Variants in SOX5 observed in about 807,000 individuals in gnomAD.
SOX5 encodes SRY-box transcription factor 5, also known as transcription factor SOX-5.
SOX5 carries 9 observed loss-of-function variants against 92.0 expected under a neutral mutation model. The observed-to-expected ratio is 0.10, with a 90% CI of 0.06 to 0.17. SOX5 has a LOEUF of 0.17. SOX5 is among the 10% of genes least tolerant of loss of function. The pLI is 1.00. For synonymous variants in SOX5, 344 were observed against 336.3 expected (o/e 1.02, Z -0.25); for missense variants, 642 against 944.5 (o/e 0.68, Z 4.20).
At chr12:23,815,278 T>C (rs1368684718) in intron 3 of SOX5, among the ~76,000 whole-genome samples, 2 of 152,176 alleles carry the variant, frequency 1.3e-5, no homozygotes, top group Non-Finnish European at 2.9e-5. Context: ...TAAAAGCTAA[T>C]ATTGAAAGTG....
At chr12:24,491,132 G>A (rs1235537821) in intron 1 of SOX5, among the ~76,000 whole-genome samples, 1 of 152,066 alleles carries the variant, frequency 6.6e-6, no homozygotes, top group Non-Finnish European at 1.5e-5. Flanking sequence ...CATTCATGCT[G>A]GCTTGTGTGT....
At chr12:23,902,288 T>C (rs1160609526) in intron 1 of SOX5, among the ~76,000 whole-genome samples, 1 of 152,164 alleles carries the variant, frequency 6.6e-6, no homozygotes, top group Non-Finnish European at 1.5e-5. Flanking sequence ...CCTTATATAG[T>C]ACATTCTTTT....
At chr12:23,914,481 T>C (rs1353947611) in intron 1 of SOX5, among the ~76,000 whole-genome samples, 1 of 152,138 alleles carries the variant, frequency 6.6e-6, no homozygotes, top group African/African-American at 2.4e-5. Context: ...GAAGCAAGTG[T>C]TTCAATTTTA....
At chr12:23,784,765 T>C (rs2095348813) in intron 3 of SOX5, among the ~76,000 whole-genome samples, 1 of 152,214 alleles carries the variant, frequency 6.6e-6, no homozygotes, top group Non-Finnish European at 1.5e-5. Flanking sequence ...ATTGCAACTC[T>C]TTCTTCATGG....
At chr12:23,797,793 G>C (rs1324560608) in intron 3 of SOX5, among the ~76,000 whole-genome samples, 1 of 151,956 alleles carries the variant, frequency 6.6e-6, no homozygotes, top group Non-Finnish European at 1.5e-5. Flanking sequence ...AAAGCTATGC[G>C]CTAGCCTTCG....
intron 7 of SOX5, among the ~76,000 whole-genome samples, chr12:23,664,246 A>C (rs2083462892): frequency 6.6e-6 from 1 of 152,110 alleles, no homozygotes; most frequent in Non-Finnish European, 1.5e-5. Flanking sequence ...GATGTGTAGT[A>C]ATGTTAGAAT....
chr12:24,092,526 C>G (rs188736668), intron 4 of SOX5, among the ~76,000 whole-genome samples: 1 of 152,128 alleles, frequency 6.6e-6, no homozygotes, highest in Non-Finnish European at 1.5e-5. Flanking sequence ...GATGCTCACA[C>G]CCAAGAAGCC....
intron 4 of SOX5, among the ~76,000 whole-genome samples, chr12:23,960,507 TTATATACATATATATA>T (rs1458613355): frequency 7.6e-5 from 9 of 118,628 alleles, no homozygotes; most frequent in African/African-American, 2.3e-4. Context: ...ACATATATAT[TTATATACATATATATA>T]TATATACATA....
intron 2 of SOX5, among the ~76,000 whole-genome samples, chr12:24,314,002 C>A (rs963064423): frequency 6.6e-6 from 1 of 152,104 alleles, no homozygotes; most frequent in South Asian, 2.1e-4. Flanking sequence ...TCATCTTGAT[C>A]AAAAAATCCA....
At chr12:23,870,575 T>C (rs764106968) in intron 2 of SOX5, among the ~76,000 whole-genome samples, 6 of 152,118 alleles carry the variant, frequency 3.9e-5, no homozygotes, top group African/African-American at 9.7e-5. Flanking sequence ...ATAAGCAATA[T>C]AGATCCACTT....
At chr12:24,311,623 A>G (rs1219744246) in intron 2 of SOX5, among the ~76,000 whole-genome samples, 1 of 152,208 alleles carries the variant, frequency 6.6e-6, no homozygotes, top group East Asian at 1.9e-4. Context: ...AATTTTAATC[A>G]TTTTATGTAA....
intron 3 of SOX5, among the ~76,000 whole-genome samples, chr12:24,272,001 T>C (rs7137658): frequency 5.6e-5 from 8 of 142,664 alleles, no homozygotes; most frequent in African/African-American, 2.0e-4. Context: ...ACACACACAA[T>C]GTACAGATAA....
chr12:24,149,482 C>T (rs574758129), intron 4 of SOX5, among the ~76,000 whole-genome samples: 10 of 151,978 alleles, frequency 6.6e-5, no homozygotes, highest in East Asian at 1.9e-4. Flanking sequence ...ATTAGGTAAA[C>T]GTAAATTAAA....
intron 2 of SOX5, among the ~76,000 whole-genome samples, chr12:23,881,285 CT>C (rs1352334074): frequency 6.6e-6 from 1 of 152,178 alleles, no homozygotes; most frequent in Non-Finnish European, 1.5e-5. Context: ...ACAAAGCCCC[CT>C]GAATTCTCAC....
chr12:23,919,126 G>A (rs1228598751), intron 1 of SOX5, among the ~76,000 whole-genome samples: 1 of 152,150 alleles, frequency 6.6e-6, no homozygotes, highest in Non-Finnish European at 1.5e-5. Context: ...GCATGTGTGT[G>A]TTTGGGGTGG....
At chr12:23,820,757 C>A (rs1325173592) in intron 3 of SOX5, among the ~76,000 whole-genome samples, 1 of 151,958 alleles carries the variant, frequency 6.6e-6, no homozygotes, top group Admixed American at 6.6e-5. Flanking sequence ...ATTTTTGAGG[C>A]CTCTGTTCTG....
chr12:23,907,445 T>G (rs1771360609), intron 1 of SOX5, among the ~76,000 whole-genome samples: 1 of 152,202 alleles, frequency 6.6e-6, no homozygotes, highest in African/African-American at 2.4e-5. Flanking sequence ...AAGTTTTGTG[T>G]ATTTTAAAGG....
intron 8 of SOX5, among the ~76,000 whole-genome samples, chr12:23,624,314 C>T (rs866528304): frequency 6.6e-6 from 1 of 151,942 alleles, no homozygotes; most frequent in African/African-American, 2.4e-5. Context: ...GAACTGTGTA[C>T]ATAAAAATGG....
intron 1 of SOX5, among the ~76,000 whole-genome samples, chr12:24,529,242 A>G (rs940170944): frequency 6.6e-6 from 1 of 152,224 alleles, no homozygotes; most frequent in Non-Finnish European, 1.5e-5. Flanking sequence ...GAGAAAAGAA[A>G]GATTACACGT....
Sources: gnomAD v4.1 joint callset for allele counts (sites outside exome capture counted in the v4.1 genomes callset) on GRCh38, gnomAD v4.1.1 for gene constraint, MANE v1.5 for transcripts, NCBI Gene and HGNC (gene_info 2026-07-23, HGNC 2026-07-21) for gene names.